The following NISCH variants were observed in gnomAD, a reference collection of about 807,000 sequenced individuals.
NISCH encodes I-1 receptor candidate protein.
A neutral mutation model predicts 138.4 loss-of-function variants in NISCH; 55 were observed. The observed-to-expected ratio is 0.40, with a 90% confidence interval of 0.32 to 0.50. NISCH has a LOEUF of 0.50. NISCH is among the 20% of genes least tolerant of loss of function. The pLI, the probability that NISCH is intolerant of heterozygous loss-of-function variation, is 0.71. For missense variants in NISCH, 1,643 were observed against 2,005.5 expected (o/e 0.82, Z 3.45); for synonymous variants, 860 against 861.5 (o/e 1.00, Z 0.03).
At chr3:52,485,933 A>G in intron 15 of NISCH, 106 bp downstream of exon 15, 1 of 996,564 alleles carries the variant, frequency 1.0e-6, no homozygotes. Context: ...AAATCCGTTC[A>G]CAGAAGGCCT....
chr3:52,480,457 G>A, intron 13 of NISCH, 162 bp downstream of exon 13: 2 of 1,537,372 alleles, frequency 1.3e-6, no homozygotes, highest in Non-Finnish European at 1.7e-6. Flanking sequence ...GGGGACACAT[G>A]GCAGGGGTGC....
chr3:52,477,052 T>A (rs1707116879), intron 8 of NISCH, among the ~76,000 whole-genome samples: 1 of 151,740 alleles, frequency 6.6e-6, no homozygotes, highest in Admixed American at 6.6e-5. Context: ...GAAAAAAAAA[T>A]GGGATCATTT....
chr3:52,492,193 A>G lies in NISCH; in HGVS notation c.4226A>G (p.Asp1409Gly). 1 of 1,613,038 alleles carries G rather than the reference A, an allele frequency of 6.2e-7. No individual in the cohort carries two copies. Among genetic ancestry groups the G allele is most frequent in the Non-Finnish European group, 8.5e-7 (1 of 1,180,028 alleles). Reference protein sequence around the residue: ...PPQRDRYRLDDGRRVRDLDRV... With the variant: ...PPQRDRYRLDGGRRVRDLDRV... ...CAGAGAGACAGGTACCGGCTGGACG[A>G]TGGCCGCCGCGTCCGGGACCTGGAC... The change falls in exon 21 of 21, where the codon GAT becomes GGT. Residue 1409 changes from aspartate to glycine, a missense_variant. By Grantham distance (94) the Asp-to-Gly change is moderately conservative. Coordinates refer to ENST00000345716, the MANE Select transcript of NISCH (RefSeq NM_007184.4).
At chr3:52,466,999 C>CTTTTTTT (rs11457136) in intron 3 of NISCH, among the ~76,000 whole-genome samples, 114 of 122,680 alleles carry the variant, frequency 9.3e-4, no homozygotes, top group Non-Finnish European at 1.2e-3. Context: ...GTTTCTTTTT[C>CTTTTTTT]TTTTTTTTTT....
chr3:52,471,975 A>G lies in NISCH; in HGVS notation c.571A>G (p.Lys191Glu). The change falls in exon 5 of 21, where the codon AAG becomes GAG. Residue 191 changes from lysine (K) to glutamate (E), a missense_variant and splice_region_variant. Lys to Glu is a moderately conservative substitution (Grantham distance 56). Coordinates refer to ENST00000345716, the MANE Select transcript of NISCH (RefSeq NM_007184.4). ...LDFTCRLKYL[K>E]VSGTEGPFGT... The stretch of plus-strand genomic sequence containing the variant: ...CTTCACCTGTCGCCTTAAGTACCTT[A>G]AGGTAAAGCTGCAGCAGCTCAGTCA... The G allele has an allele frequency of 6.3e-7, 1 of 1,581,322 alleles. No individual in the cohort carries two copies. Among genetic ancestry groups the G allele is most frequent in the Non-Finnish European group, 8.6e-7 (1 of 1,160,124 alleles).
At chr3:52,467,847 A>G (rs1183156525) in intron 3 of NISCH, among the ~76,000 whole-genome samples, 2 of 152,066 alleles carry the variant, frequency 1.3e-5, no homozygotes, top group Non-Finnish European at 2.9e-5. Flanking sequence ...CTCGACTCTG[A>G]ACTTAGGGGC....
chr3:52,492,634 A>C lies in NISCH; in HGVS notation c.*152A>C. The C allele has an allele frequency of 9.2e-7, 1 of 1,085,380 alleles. No individual in the cohort carries two copies. Among genetic ancestry groups the C allele is most frequent in the Non-Finnish European group, 1.3e-6 (1 of 783,404 alleles). The allele number at this position is 1,085,380 out of a possible 1,614,324, so 67.2% of individuals were successfully genotyped here. A position where few individuals can be genotyped will look rare whatever the true frequency, so the allele number is the denominator to read the frequency against. On this transcript the variant is annotated 3_prime_UTR_variant, in exon 21 of 21. Transcript: ENST00000345716. ...TGTGAACATGTGTGTGTGTTGTGTT[A>C]ATTCTTTCTCATGTTGGGAGTGAGA... is the stretch of plus-strand genomic sequence containing the variant.
At chr3:52,457,998 A>C in intron 2 of NISCH, 72 bp downstream of exon 2, 4 of 1,214,778 alleles carry the variant, frequency 3.3e-6, no homozygotes, top group Non-Finnish European at 4.9e-6. Flanking sequence ...ATTGTGCCAC[A>C]TATTAGTTTT....
At chr3:52,472,122 T>C (rs189808052) in intron 5 of NISCH, 145 bp downstream of exon 5, 2 of 1,055,394 alleles carry the variant, frequency 1.9e-6, no homozygotes, top group East Asian at 5.1e-5. Flanking sequence ...GGCACTATGC[T>C]TCTGGCTGTG....
intron 17 of NISCH, 68 bp downstream of exon 17, chr3:52,489,746 C>T: frequency 6.4e-7 from 1 of 1,558,572 alleles, no homozygotes; most frequent in South Asian, 1.2e-5. Context: ...AGCTTGGCTT[C>T]AGGTCAGCCT....
At chr3:52,478,323 TG>T (rs1413033606) in intron 10 of NISCH, 41 bp downstream of exon 10, 20 of 1,609,344 alleles carry the variant, frequency 1.2e-5, no homozygotes, top group Non-Finnish European at 1.5e-5. Flanking sequence ...TTCTGTGCCT[TG>T]GTGTGTATCA....
rs759832054 is a variant in NISCH at position 52,488,376 on chromosome 3, C to T, written c.2884C>T (p.Pro962Ser). The T allele has an allele frequency of 6.2e-7, 1 of 1,613,820 alleles. No homozygotes were observed. The highest frequency in any genetic ancestry group is 8.5e-7 in the Non-Finnish European group (1 of 1,180,012). ...LLDPTRSCTQ[P>S]RGAFADGHVL... ...GGACCCCACACGCAGCTGTACCCAG[C>T]CTCGGGGCGCCTTTGCTGATGGCCA... is the stretch of plus-strand genomic sequence containing the variant. The change falls in exon 16 of 21, where the codon CCT becomes TCT. Residue 962 changes from proline (P) to serine (S), a missense_variant. Pro to Ser is a moderately conservative substitution (Grantham distance 74). Coordinates refer to ENST00000345716, the MANE Select transcript of NISCH (RefSeq NM_007184.4).
At position 52,487,732 on chromosome 3, in the gene NISCH, G is replaced by A. The variant is rs770065257; in HGVS notation, c.2240G>A (p.Arg747Gln). ...TTCGAGATCCCGCACCAGGAGTCTC[G>A]GGGCAGCAGCCAGCACATCCTCTCC... ...AVFEIPHQES[R>Q]GSSQHILSSL... The change falls in exon 16 of 21, where the codon CGG (arginine) becomes CAG (glutamine). Residue 747 changes from arginine to glutamine, a missense_variant. Physicochemically the swap from Arg to Gln is conservative, Grantham distance 43 (BLOSUM62 1). Coordinates refer to ENST00000345716, the MANE Select transcript of NISCH (RefSeq NM_007184.4). This position sits in a 1 kb window ranked among gnomAD's most constrained non-coding sequence, Gnocchi z 9.1. 1.4e-5 allele frequency: 22 copies of A among 1,613,558 alleles called. No individual in the cohort carries two copies. The highest frequency in any genetic ancestry group is 4.5e-5 in the East Asian group (2 of 44,898).
At chr3:52,482,569 C>T (rs1260809487) in intron 13 of NISCH, among the ~76,000 whole-genome samples, 3 of 152,178 alleles carry the variant, frequency 2.0e-5, no homozygotes, top group Non-Finnish European at 4.4e-5. Context: ...AGTGGACGCA[C>T]CCTACTTCAT....
At chr3:52,481,974 C>T (rs1457175820) in intron 13 of NISCH, 3 of 950,760 alleles carry the variant, frequency 3.2e-6, no homozygotes, top group Admixed American at 6.2e-5. Context: ...AAGGACTCTC[C>T]TGATGTCTCC....
chr3:52,487,413 G>C lies in NISCH; in HGVS notation c.1921G>C (p.Glu641Gln), dbSNP rs1349415535. ...GQGEQGEEED[E>Q]EEEEEEDVAE... ...GGGTGAACAGGGCGAGGAGGAGGAT[G>C]AGGAGGAGGAAGAAGAGGAGGACGT... is the stretch of plus-strand genomic sequence containing the variant. The change falls in exon 16 of 21, where the codon GAG (glutamate) becomes CAG (glutamine). Residue 641 changes from glutamate (E) to glutamine (Q), a missense_variant. By Grantham distance (29) the Glu-to-Gln change is conservative (BLOSUM62 2). Coordinates refer to ENST00000345716, the MANE Select transcript of NISCH (RefSeq NM_007184.4). This position sits in a 1 kb window ranked among gnomAD's most constrained non-coding sequence, Gnocchi z 9.1. 1.2e-6 allele frequency: 2 copies of C among 1,611,814 alleles called. No homozygotes were observed. Among genetic ancestry groups the C allele is most frequent in the Middle Eastern group, 1.6e-4 (1 of 6,080 alleles).
At chr3:52,476,400 T>A in intron 7 of NISCH, 47 bp from the exon 8 acceptor site, 1 of 1,604,838 alleles carries the variant, frequency 6.2e-7, no homozygotes, top group Non-Finnish European at 8.5e-7. Context: ...CAGTGAGTGT[T>A]GCGTGAGGGC....
At chr3:52,486,725 A>G (rs1707411294) in intron 15 of NISCH, among the ~76,000 whole-genome samples, 3 of 152,200 alleles carry the variant, frequency 2.0e-5, no homozygotes. Flanking sequence ...CCCACTCTAC[A>G]TGTGAGGGCT....
intron 3 of NISCH, among the ~76,000 whole-genome samples, chr3:52,464,517 C>CTTTTTTTTTTTTTT (rs71084185): frequency 2.6e-5 from 2 of 75,808 alleles, no homozygotes; most frequent in African/African-American, 5.4e-5. Context: ...TGTGAGTTGT[C>CTTTTTTTTTTTTTT]TTTTTTTTTT....
Sources: allele counts gnomAD v4.1 joint callset (sites outside exome capture counted in the v4.1 genomes callset), GRCh38; gene constraint gnomAD v4.1.1; non-coding constraint Gnocchi (gnomAD v3.1); transcripts MANE v1.5; gene names NCBI Gene and HGNC (gene_info 2026-07-23, HGNC 2026-07-21).